PCDHGA2: variants seen among roughly 807,000 people sequenced by gnomAD.
PCDHGA2 encodes protocadherin gamma-A2.
Under a neutral mutation model 59.2 loss-of-function variants are expected in PCDHGA2, and 40 were observed. The ratio of observed to expected loss-of-function variants is 0.68; its 90% CI spans 0.52 to 0.88. The LOEUF (loss-of-function observed/expected upper bound fraction) is 0.88, where lower values mean the gene tolerates loss of function less well. Among genes scored for constraint, PCDHGA2 ranks in the 40% least tolerant of loss-of-function variants. The pLI, the probability that PCDHGA2 is intolerant of heterozygous loss-of-function variation, is 0.00. For missense variants in PCDHGA2, 1,226 were observed against 1,204.0 expected (o/e 1.02, Z -0.27); for synonymous variants, 560 against 526.0 (o/e 1.06, Z -0.89).
At chr5:141,484,872 G>T in intron 1 of PCDHGA2, 1 of 319,608 alleles carries the variant, frequency 3.1e-6, no homozygotes, top group Non-Finnish European at 5.8e-6. Context: ...GGAGCGTGGA[G>T]GATAGGGTGG....
chr5:141,496,152 C>T (rs771462960), intron 2 of PCDHGA2, among the ~76,000 whole-genome samples: 2 of 152,080 alleles, frequency 1.3e-5, no homozygotes, highest in Non-Finnish European at 1.5e-5. Flanking sequence ...GATCGCAGCT[C>T]TCCACCAGAC....
chr5:141,347,980 G>A (rs1251130794), intron 1 of PCDHGA2, among the ~76,000 whole-genome samples: 1 of 152,184 alleles, frequency 6.6e-6, no homozygotes, highest in Admixed American at 6.5e-5. Context: ...TCAAAAACAT[G>A]TAAAGGAATA....
intron 1 of PCDHGA2, chr5:141,392,496 T>C (rs1357893523): frequency 4.6e-6 from 1 of 215,562 alleles, no homozygotes; most frequent in Non-Finnish European, 9.1e-6. Context: ...AATAAGCAAA[T>C]GATTTTTTTT....
At chr5:141,351,178 A>G in intron 1 of PCDHGA2, 1 of 1,614,062 alleles carries the variant, frequency 6.2e-7, no homozygotes, top group Non-Finnish European at 8.5e-7. Context: ...TGGATTTTGA[A>G]GAGACAAGTA....
At chr5:141,474,361 T>C (rs2099347915) in intron 1 of PCDHGA2, among the ~76,000 whole-genome samples, 2 of 152,210 alleles carry the variant, frequency 1.3e-5, no homozygotes, top group South Asian at 2.1e-4. Context: ...CATGTCTCAG[T>C]AGGTCTAGAG....
chr5:141,406,159 A>G (rs1237857279), intron 1 of PCDHGA2, among the ~76,000 whole-genome samples: 3 of 151,234 alleles, frequency 2.0e-5, no homozygotes, highest in Non-Finnish European at 2.9e-5. Context: ...TGCAGTCTCA[A>G]TCTCCTGGGC....
rs531855306 is a variant in PCDHGA2 at position 141,422,110 on chromosome 5, T to C, written c.2425-72697T>C. 230 of 1,606,626 alleles carry C rather than the reference T, an allele frequency of 1.4e-4. 6 individuals carry two copies. The South Asian group carries it at 2.5e-3, about 17-fold the overall frequency. On this transcript the variant is annotated intron_variant, in intron 1 of 3. Coordinates refer to ENST00000394576, the MANE Select transcript of PCDHGA2 (RefSeq NM_018915.4). The stretch of plus-strand genomic sequence containing the variant: ...AAGCAAGGCTTCTGAAATATTCCAA[T>C]TGGATTCACAAACTGGAGAAGTTCA...
In PCDHGA2 at chr5:141,486,499, C is replaced by G. The variant is rs1487201957; in HGVS notation, c.2425-8308C>G. 2 of 1,614,010 alleles carry G rather than the reference C, an allele frequency of 1.2e-6. No homozygotes were observed. Among genetic ancestry groups the G allele is most frequent in the Non-Finnish European group, 1.7e-6 (2 of 1,179,874 alleles). On this transcript the variant is annotated intron_variant, in intron 1 of 3. Coordinates refer to ENST00000394576, the MANE Select transcript of PCDHGA2 (RefSeq NM_018915.4). This position sits in a 1 kb window ranked among gnomAD's most constrained non-coding sequence, Gnocchi z 5.0. ...CTCTCAGTACCCACAGAACTATTTT[C>G]CTCAATATTTCAGATGTGAATGATA...
chr5:141,431,699 T>C lies in PCDHGA2; in HGVS notation c.2425-63108T>C. ...GGAGTTGGACCACGAGGAGTCAGGA[T>C]TCTACCAGATGGAAGTGCAAGCAAT... is the stretch of plus-strand genomic sequence containing the variant. On this transcript the variant is annotated intron_variant, in intron 1 of 3. Coordinates refer to ENST00000394576, the MANE Select transcript of PCDHGA2 (RefSeq NM_018915.4). The surrounding 1 kb of genome is among the most constrained non-coding windows in gnomAD (Gnocchi z 4.8). 6.2e-7 allele frequency: 1 copy of C among 1,614,222 alleles called. No individual in the cohort carries two copies. Among genetic ancestry groups the C allele is most frequent in the South Asian group, 1.1e-5 (1 of 91,074 alleles).
intron 1 of PCDHGA2, chr5:141,357,059 G>A: frequency 6.2e-7 from 1 of 1,613,980 alleles, no homozygotes; most frequent in South Asian, 1.1e-5. Flanking sequence ...TTTGCAGTGG[G>A]GCTGCACACA....
intron 1 of PCDHGA2, chr5:141,426,835 C>G (rs1038394702): frequency 6.6e-6 from 3 of 456,576 alleles, no homozygotes; most frequent in Non-Finnish European, 1.3e-5. Flanking sequence ...ATGGACAAGA[C>G]TAAAGGCAAG....
chr5:141,383,304 G>T (rs1779007855), intron 1 of PCDHGA2: 1 of 1,613,800 alleles, frequency 6.2e-7, no homozygotes. Context: ...GATTCTTGAC[G>T]GAAGAAATAA....
Position 141,339,525 on chromosome 5 carries a change from G to C in PCDHGA2, c.554G>C (p.Gly185Ala), listed in dbSNP as rs776747052. The change falls in exon 1 of 4, where the codon GGA becomes GCA. Residue 185 changes from glycine (G) to alanine (A), a missense_variant. Coordinates refer to ENST00000394576, the MANE Select transcript of PCDHGA2 (RefSeq NM_018915.4). ...CACTTCTCCCTGGACGTGCGAAGGG[G>C]AGCTGATGGGAACAAGTACCCAGAA... ...NDHFSLDVRR[G>A]ADGNKYPELV... is the part of the protein sequence containing the mutation. 4.3e-5 allele frequency: 69 copies of C among 1,614,034 alleles called. No homozygotes were observed. Among genetic ancestry groups the C allele is most frequent in the Admixed American group, 1.0e-4 (6 of 60,000 alleles).
intron 1 of PCDHGA2, chr5:141,364,366 G>C: frequency 6.4e-7 from 1 of 1,563,758 alleles, no homozygotes; most frequent in Non-Finnish European, 8.6e-7. Flanking sequence ...GCTGCGGAGA[G>C]CTGCTGCTGC....
intron 1 of PCDHGA2, chr5:141,362,563 T>C: frequency 6.2e-7 from 1 of 1,608,274 alleles, no homozygotes; most frequent in Non-Finnish European, 8.5e-7. Context: ...GAAGGTGAGC[T>C]TTAATTAATT....
intron 1 of PCDHGA2, chr5:141,479,186 T>C (rs956575218): frequency 3.3e-5 from 5 of 152,590 alleles, no homozygotes; most frequent in Admixed American, 3.3e-4. Flanking sequence ...GCTAGAAAAT[T>C]CAGAAAATAC....
Position 141,432,016 on chromosome 5 carries a change from C to T in PCDHGA2, c.2425-62791C>T, listed in dbSNP as rs771650925. The T allele has an allele frequency of 1.2e-6, 2 of 1,614,202 alleles. No homozygotes were observed. The highest frequency in any genetic ancestry group is 3.3e-5 in the Admixed American group (2 of 60,030). On this transcript the variant is annotated intron_variant, in intron 1 of 3. Coordinates refer to ENST00000394576, the MANE Select transcript of PCDHGA2 (RefSeq NM_018915.4). This position sits in a 1 kb window ranked among gnomAD's most constrained non-coding sequence, Gnocchi z 6.0. ...ATAGGGAACAGGTTCCTAGCTACAA[C>T]ATCACAGTGACCGCCACTGACCGGG...
Position 141,417,921 on chromosome 5 carries a change from T to G in PCDHGA2, c.2424+76526T>G, listed in dbSNP as rs771406905. 7.5e-6 allele frequency: 12 copies of G among 1,607,746 alleles called. No homozygotes were observed. The Admixed American group carries it at 1.7e-4, about 23-fold the overall frequency. On this transcript the variant is annotated intron_variant, in intron 1 of 3. Transcript: ENST00000394576. ...CCGCGGCAGGTACTATTTCCTTTGC[T>G]GCTGCCTTTGTTCTACCCCACGCTG...
chr5:141,412,931 T>C (rs1010992022), intron 1 of PCDHGA2: 5 of 453,108 alleles, frequency 1.1e-5, no homozygotes, highest in African/African-American at 2.0e-5. Flanking sequence ...CAGTAACTTC[T>C]TAGGACTCTG....
Sources: gnomAD v4.1 joint callset for allele counts (sites outside exome capture counted in the v4.1 genomes callset) on GRCh38, gnomAD v4.1.1 for gene constraint, Gnocchi (gnomAD v3.1) non-coding constraint, MANE v1.5 for transcripts, NCBI Gene and HGNC (gene_info 2026-07-23, HGNC 2026-07-21) for gene names.